OSBPL1A: variants seen among roughly 807,000 people sequenced by gnomAD.
OSBPL1A encodes oxysterol binding protein like 1A.
A neutral mutation model predicts 137.1 loss-of-function variants in OSBPL1A; 80 were observed. The ratio of observed to expected loss-of-function variants is 0.58; its 90% CI spans 0.49 to 0.70. The LOEUF (loss-of-function observed/expected upper bound fraction) is 0.70, where lower values mean the gene tolerates loss of function less well. OSBPL1A is among the 30% of genes least tolerant of loss of function. The pLI is 0.00. For synonymous variants in OSBPL1A, 365 were observed against 389.7 expected (o/e 0.94, Z 0.75); for missense variants, 970 against 1,129.4 (o/e 0.86, Z 2.02).
At chr18:24,284,957 C>T (rs961940861) in intron 14 of OSBPL1A, among the ~76,000 whole-genome samples, 1 of 152,196 alleles carries the variant, frequency 6.6e-6, no homozygotes, top group Non-Finnish European at 1.5e-5. Flanking sequence ...AATGCCAACA[C>T]TTTGGGAGGC....
intron 22 of OSBPL1A, among the ~76,000 whole-genome samples, 188 bp from the exon 23 acceptor site, chr18:24,171,686 A>G (rs990454862): frequency 1.3e-5 from 2 of 152,196 alleles, no homozygotes; most frequent in Admixed American, 1.3e-4. Context: ...AAGGTATGTG[A>G]GGGGCAGAAA....
At chr18:24,172,817 T>G (rs1353114562) in intron 21 of OSBPL1A, among the ~76,000 whole-genome samples, 3 of 152,180 alleles carry the variant, frequency 2.0e-5, no homozygotes, top group Non-Finnish European at 4.4e-5. Flanking sequence ...AAAGTCTATT[T>G]AGCACTTTCT....
intron 21 of OSBPL1A, among the ~76,000 whole-genome samples, chr18:24,177,112 T>C (rs1197690277): frequency 6.6e-6 from 1 of 152,182 alleles, no homozygotes; most frequent in Non-Finnish European, 1.5e-5. Context: ...CTTTACTCAG[T>C]TTCTCTGGCC....
chr18:24,212,801 G>A (rs1177436008), intron 17 of OSBPL1A, among the ~76,000 whole-genome samples: 1 of 152,076 alleles, frequency 6.6e-6, no homozygotes, highest in Non-Finnish European at 1.5e-5. Flanking sequence ...TGAAATACTT[G>A]GCAAGTTTAA....
intron 1 of OSBPL1A, among the ~76,000 whole-genome samples, chr18:24,392,910 C>T (rs547137768): frequency 6.6e-6 from 1 of 152,130 alleles, no homozygotes; most frequent in Non-Finnish European, 1.5e-5. Context: ...AGGCTGGTCT[C>T]GAACTCCTGG....
chr18:24,212,848 G>A (rs762446184), intron 17 of OSBPL1A, among the ~76,000 whole-genome samples: 13 of 152,246 alleles, frequency 8.5e-5, no homozygotes, highest in Non-Finnish European at 1.2e-4. Flanking sequence ...AAAATTTACC[G>A]ATACAATTAA....
intron 7 of OSBPL1A, among the ~76,000 whole-genome samples, chr18:24,325,641 C>T (rs1320855649): frequency 6.6e-6 from 1 of 152,178 alleles, no homozygotes; most frequent in Non-Finnish European, 1.5e-5. Context: ...AGCACATATG[C>T]ATTTATTTGT....
chr18:24,276,516 T>C (rs1237937670), intron 15 of OSBPL1A, among the ~76,000 whole-genome samples: 2 of 152,226 alleles, frequency 1.3e-5, no homozygotes, highest in African/African-American at 2.4e-5. Context: ...CTCGGCTCAC[T>C]GCAACCTCCG....
intron 13 of OSBPL1A, among the ~76,000 whole-genome samples, chr18:24,306,911 T>A (rs2090512710): frequency 6.6e-6 from 1 of 152,106 alleles, no homozygotes; most frequent in African/African-American, 2.4e-5. Context: ...AGTGGTGCCG[T>A]AGCACTTATC....
At chr18:24,164,492 A>G (rs1348304097) in intron 27 of OSBPL1A, among the ~76,000 whole-genome samples, 4 of 135,386 alleles carry the variant, frequency 3.0e-5, no homozygotes, top group East Asian at 2.4e-4. Context: ...GCAGTGGCGC[A>G]ATCTCAGCTC....
At chr18:24,250,182 G>GTT (rs775626283) in intron 15 of OSBPL1A, among the ~76,000 whole-genome samples, 1 of 141,986 alleles carries the variant, frequency 7.0e-6, no homozygotes, top group Non-Finnish European at 1.5e-5. Flanking sequence ...TTGTTTGTTT[G>GTT]TTTGTTTTTT....
chr18:24,325,800 G>C (rs2090964962), intron 7 of OSBPL1A, among the ~76,000 whole-genome samples: 1 of 152,170 alleles, frequency 6.6e-6, no homozygotes, highest in Admixed American at 6.5e-5. Flanking sequence ...AAACTGGGAG[G>C]AAACAAAATT....
chr18:24,370,703 T>C (rs1697121585), intron 2 of OSBPL1A, among the ~76,000 whole-genome samples: 1 of 152,202 alleles, frequency 6.6e-6, no homozygotes, highest in Non-Finnish European at 1.5e-5. Context: ...GGTATCCCTC[T>C]ATCACCCAGG....
rs556232419 is a variant in OSBPL1A, at chr18:24,328,141, A to G, written c.625+4801T>C. 4.1e-5 allele frequency among the ~76,000 whole-genome samples: 6 copies of G among 146,346 alleles called. No homozygotes were observed. In the East Asian group the frequency reaches 1.2e-3, roughly 29 times the overall value. ...ACTGCAACCTTCACCTCCTGGCTTC[A>G]AGCAGTTCTTCTGCCTCAGCCTCCC... On this transcript the variant is annotated intron_variant, in intron 7 of 27. Transcript: ENST00000319481.
At position 24,318,742 on chromosome 18, in the gene OSBPL1A, C is replaced by G. The variant is rs1417697206; in HGVS notation, c.687+6G>C. Reference sequence around the variant, plus strand: ...TATTAGATAAATTTAATTCATTACTCTGTACCTTATTACCAACAAGAATGT... The same window carrying G: ...TATTAGATAAATTTAATTCATTACTGTGTACCTTATTACCAACAAGAATGT... On this transcript the variant is annotated splice_donor_region_variant and intron_variant, in intron 8 of 27. Transcript: ENST00000319481. 1 of 1,611,378 alleles carries G rather than the reference C, an allele frequency of 6.2e-7. No individual in the cohort carries two copies. The highest frequency in any genetic ancestry group is 8.5e-7 in the Non-Finnish European group (1 of 1,178,856).
chr18:24,174,922 G>C (rs996593995), intron 21 of OSBPL1A, among the ~76,000 whole-genome samples: 3 of 151,064 alleles, frequency 2.0e-5, no homozygotes, highest in African/African-American at 7.3e-5. Flanking sequence ...ACAGGCATGT[G>C]TCCCCATGCC....
intron 4 of OSBPL1A, among the ~76,000 whole-genome samples, chr18:24,364,340 C>T (rs1273245600): frequency 2.0e-5 from 3 of 152,214 alleles, no homozygotes; most frequent in Non-Finnish European, 2.9e-5. Flanking sequence ...AAAGCACTCT[C>T]CAGCCTACAC....
At chr18:24,222,431 T>A (rs1000234185) in intron 17 of OSBPL1A, among the ~76,000 whole-genome samples, 2 of 152,164 alleles carry the variant, frequency 1.3e-5, no homozygotes, top group Non-Finnish European at 2.9e-5. Context: ...TTGGGTAATA[T>A]TGCTAACAAG....
At chr18:24,353,094 G>A (rs2091471221) in intron 4 of OSBPL1A, among the ~76,000 whole-genome samples, 2 of 152,046 alleles carry the variant, frequency 1.3e-5, no homozygotes, top group Non-Finnish European at 2.9e-5. Context: ...AAGAGCTTCT[G>A]CACAGCAAAA....
Sources: allele counts gnomAD v4.1 joint callset (sites outside exome capture counted in the v4.1 genomes callset), GRCh38; gene constraint gnomAD v4.1.1; transcripts MANE v1.5; gene names NCBI Gene and HGNC (gene_info 2026-07-23, HGNC 2026-07-21).